The following DENND4A variants were observed in gnomAD, a reference collection of about 807,000 sequenced individuals.
DENND4A encodes the protein DENN domain containing 4A.
A neutral mutation model predicts 199.3 loss-of-function variants in DENND4A; 70 were observed. The ratio of observed to expected loss-of-function variants is 0.35; its 90% CI spans 0.29 to 0.43. DENND4A has a LOEUF of 0.43. DENND4A is among the 20% of genes least tolerant of loss of function. The pLI, the probability that DENND4A is intolerant of heterozygous loss-of-function variation, is 1.00. For synonymous variants in DENND4A, 686 were observed against 766.9 expected (o/e 0.89, Z 1.74); for missense variants, 1,723 against 2,255.8 (o/e 0.76, Z 4.78).
intron 1 of DENND4A, among the ~76,000 whole-genome samples, chr15:65,784,450 T>C (rs1187303973): frequency 7.0e-6 from 1 of 143,838 alleles, no homozygotes; most frequent in East Asian, 1.9e-4. Context: ...AGACCCCCAT[T>C]TCTTACAAAA....
chr15:65,686,494 T>C (rs890391510), intron 23 of DENND4A, among the ~76,000 whole-genome samples: 7 of 152,340 alleles, frequency 4.6e-5, no homozygotes, highest in East Asian at 1.9e-4. Context: ...AATTGTGTCA[T>C]TGTTTTGAGG....
At chr15:65,748,039 C>CAAAAA (rs34813076) in intron 4 of DENND4A, among the ~76,000 whole-genome samples, 3 of 54,380 alleles carry the variant, frequency 5.5e-5, no homozygotes, top group Non-Finnish European at 9.9e-5. Flanking sequence ...TACTCCGTCT[C>CAAAAA]AAAAAAAAAA....
intron 1 of DENND4A, among the ~76,000 whole-genome samples, chr15:65,783,399 G>A (rs2077484198): frequency 6.6e-6 from 1 of 152,184 alleles, no homozygotes; most frequent in African/African-American, 2.4e-5. Context: ...GATAGTCAAA[G>A]TCATCAGTAT....
Position 65,700,642 on chromosome 15 carries a change from C to A in DENND4A, c.2735G>T (p.Gly912Val). Residue 912 changes from glycine to valine, a missense_variant, in exon 20 of 33, where the codon GGC (glycine) becomes GTC (valine). Physicochemically the swap from Gly to Val is moderately radical, Grantham distance 109. Transcript: ENST00000443035. ...TGTCCCATGACCACTATCCATGCTG[C>A]CATGACTAACAGCATCCAGGTCACT... is the stretch of plus-strand genomic sequence containing the variant. ...DGSDLDAVSH[G>V]SMDSGHGTHT... The A allele has an allele frequency of 4.5e-6, 7 of 1,545,300 alleles. No homozygotes were observed. The highest frequency in any genetic ancestry group is 6.1e-6 in the Non-Finnish European group (7 of 1,144,780).
rs117756005 is a variant in DENND4A at position 65,664,012 on chromosome 15, T to C, written c.5587+318A>G. On this transcript the variant is annotated intron_variant, in intron 32 of 32. Coordinates refer to ENST00000443035, the MANE Select transcript of DENND4A (RefSeq NM_001320835.1). ...TTCTTGTCAGATTAACTTTTAAAAA[T>C]TGAAATATAATCCATATACCATACA... 2.0e-5 allele frequency among the ~76,000 whole-genome samples: 3 copies of C among 152,288 alleles called. No homozygotes were observed. The East Asian group carries it at 5.8e-4, about 29-fold the overall frequency.
At position 65,688,118 on chromosome 15, in the gene DENND4A, T is replaced by C. The variant is rs377426978; in HGVS notation, c.4179+2297A>G. The stretch of plus-strand genomic sequence containing the variant: ...CTTTTCTCTCTTCTTCTAATTTCTA[T>C]TACTGTATCTTTAAGTTTACTTTTC... On this transcript the variant is annotated intron_variant, in intron 23 of 32. Transcript: ENST00000443035. Among the ~76,000 whole-genome samples the C allele has an allele frequency of 1.3e-4, 20 of 152,316 alleles. No homozygotes were observed. In the South Asian group the frequency reaches 2.7e-3, roughly 20 times the overall value.
chr15:65,788,854 TAAA>T (rs34831088), intron 1 of DENND4A, among the ~76,000 whole-genome samples: 4 of 102,368 alleles, frequency 3.9e-5, no homozygotes, highest in African/African-American at 7.8e-5. Flanking sequence ...GGACTTGTCT[TAAA>T]AAAAAAAAAA....
chr15:65,709,742 A>ATATATAT (rs1596490670), intron 14 of DENND4A, among the ~76,000 whole-genome samples: 4 of 140,056 alleles, frequency 2.9e-5, no homozygotes, highest in Non-Finnish European at 4.6e-5. Context: ...ATATATATAT[A>ATATATAT]ATCTCGTGAC....
rs2075371495 is a variant in DENND4A, at chr15:65,715,519, T to C, written c.1912A>G (p.Lys638Glu). 1 of 1,612,056 alleles carries C rather than the reference T, an allele frequency of 6.2e-7. No homozygotes were observed. The highest frequency in any genetic ancestry group is 8.5e-7 in the Non-Finnish European group (1 of 1,179,418). The change falls in exon 14 of 33, where the codon AAA becomes GAA. Residue 638 changes from lysine (K) to glutamate (E), a missense_variant. This residue lies in a region of DENND4A where 725 missense variants were observed against 952.9 expected (regional missense o/e 0.76). Coordinates refer to ENST00000443035, the MANE Select transcript of DENND4A (RefSeq NM_001320835.1). ...TCAAAAAATGCCAGGCTTGCATCTTTGTCACTAACAAAAGAACATTCTTCA... is the reference window on the plus strand; with the variant it reads ...TCAAAAAATGCCAGGCTTGCATCTTCGTCACTAACAAAAGAACATTCTTCA... ...FIEECSFVSDKDASLAFFDDC... is the reference protein window; with the variant it reads ...FIEECSFVSDEDASLAFFDDC...
chr15:65,678,208 G>A (rs940494484), intron 23 of DENND4A, among the ~76,000 whole-genome samples: 4 of 152,160 alleles, frequency 2.6e-5, no homozygotes, highest in Non-Finnish European at 2.9e-5. Flanking sequence ...GATTACAGGC[G>A]TGAGCCACAG....
chr15:65,748,406 C>G (rs895303795), intron 4 of DENND4A, among the ~76,000 whole-genome samples: 2 of 151,896 alleles, frequency 1.3e-5, no homozygotes, highest in Non-Finnish European at 2.9e-5. Flanking sequence ...TTGCTTGAGG[C>G]CAGGAGCTCA....
chr15:65,785,499 A>AAT, intron 1 of DENND4A, among the ~76,000 whole-genome samples: 1 of 151,330 alleles, frequency 6.6e-6, no homozygotes, highest in East Asian at 2.0e-4. Flanking sequence ...CTAAAAAAAA[A>AAT]AAAAAAAAAA....
At chr15:65,662,859 G>A (rs1237573377) in intron 32 of DENND4A, among the ~76,000 whole-genome samples, 1 of 152,162 alleles carries the variant, frequency 6.6e-6, no homozygotes, top group Non-Finnish European at 1.5e-5. Context: ...GCATGAGCAA[G>A]TGAGCTTCTC....
At chr15:65,721,331 T>G (rs1049766090) in intron 12 of DENND4A, among the ~76,000 whole-genome samples, 6 of 152,168 alleles carry the variant, frequency 3.9e-5, no homozygotes, top group Middle Eastern at 3.4e-3. Flanking sequence ...TGTTATGAAG[T>G]GTACTTTGTA....
intron 4 of DENND4A, among the ~76,000 whole-genome samples, chr15:65,746,064 C>A (rs1026181734): frequency 2.0e-5 from 3 of 151,734 alleles, no homozygotes; most frequent in Admixed American, 1.3e-4. Context: ...TCCCTTGAAC[C>A]CAGGAGGCGG....
intron 1 of DENND4A, chr15:65,771,958 C>G (rs2140889176): frequency 6.3e-7 from 1 of 1,577,720 alleles, no homozygotes; most frequent in South Asian, 1.1e-5. Flanking sequence ...TTCATCACCA[C>G]TATCTTTCGT....
chr15:65,740,638 A>AG, intron 5 of DENND4A, among the ~76,000 whole-genome samples: 1 of 151,882 alleles, frequency 6.6e-6, no homozygotes, highest in African/African-American at 2.4e-5. Context: ...TTAAAAGAAA[A>AG]AAAAAAAAAG....
intron 23 of DENND4A, chr15:65,681,376 T>C (rs1170128431): frequency 1.3e-5 from 2 of 152,264 alleles, no homozygotes; most frequent in African/African-American, 4.8e-5. Context: ...AGGTTTTCAA[T>C]TTATTTTGCC....
intron 4 of DENND4A, among the ~76,000 whole-genome samples, chr15:65,749,330 T>C (rs527946269): frequency 6.5e-4 from 99 of 152,290 alleles, no homozygotes; most frequent in African/African-American, 2.3e-3. Context: ...CCTCTTTAAC[T>C]CTCAAATTTT....
Sources: allele counts gnomAD v4.1 joint callset (sites outside exome capture counted in the v4.1 genomes callset), GRCh38; gene constraint gnomAD v4.1.1; regional missense constraint gnomAD v4.1.1; transcripts MANE v1.5; gene names NCBI Gene and HGNC (gene_info 2026-07-23, HGNC 2026-07-21).